The following TMEM182 variants were observed in gnomAD, a reference collection of about 807,000 sequenced individuals.
TMEM182 encodes the protein transmembrane protein 182.
TMEM182 carries 20 observed loss-of-function variants against 26.8 expected under a neutral mutation model. The ratio of observed to expected loss-of-function variants is 0.75; its 90% CI spans 0.53 to 1.09. TMEM182 has a LOEUF of 1.09. Among genes scored for constraint, TMEM182 ranks in the 50% least tolerant of loss-of-function variants. The pLI is 0.00. For synonymous variants in TMEM182, 109 were observed against 102.2 expected, an observed-to-expected ratio of 1.07 and a Z score of -0.40; for missense variants, 277 against 275.5, an observed-to-expected ratio of 1.01 and a Z score of -0.04.
chr2:102,794,528 A>G (rs764090080), intron 3 of TMEM182, among the ~76,000 whole-genome samples: 13 of 152,142 alleles, frequency 8.5e-5, no homozygotes, highest in Non-Finnish European at 1.8e-4. Context: ...TTCTTCACAA[A>G]TGGCTTCACC....
downstream of TMEM182, among the ~76,000 whole-genome samples, chr2:102,819,459 C>T (rs1447168503): frequency 1.3e-5 from 2 of 152,050 alleles, no homozygotes; most frequent in Admixed American, 1.3e-4. Flanking sequence ...AGTAGAAAGT[C>T]GGATTAACTT....
At chr2:102,819,519 T>A (rs1367932216), downstream of TMEM182, among the ~76,000 whole-genome samples, 1 of 152,206 alleles carries the variant, frequency 6.6e-6, no homozygotes, top group Non-Finnish European at 1.5e-5. Flanking sequence ...TGTATATATA[T>A]GTCTGTGGTA....
chr2:102,817,772 CAT>C, downstream of TMEM182: 1 of 911,928 alleles, frequency 1.1e-6, no homozygotes, highest in Non-Finnish European at 1.3e-6. Flanking sequence ...TGTAAGTGTG[CAT>C]GTGTATTATA....
intron 1 of TMEM182, among the ~76,000 whole-genome samples, chr2:102,754,157 G>A (rs549246366): frequency 1.3e-5 from 2 of 152,256 alleles, no homozygotes; most frequent in Admixed American, 6.5e-5. Context: ...TCAGTTTACC[G>A]TCTTGTGTCT....
At chr2:102,822,595 T>C (rs1445283851), downstream of TMEM182, among the ~76,000 whole-genome samples, 3 of 152,124 alleles carry the variant, frequency 2.0e-5, no homozygotes, top group African/African-American at 4.8e-5. Flanking sequence ...GAAAAGGTTG[T>C]TGTGCAACTT....
intron 3 of TMEM182, among the ~76,000 whole-genome samples, chr2:102,841,931 G>A (rs1183151154): frequency 6.6e-6 from 1 of 152,048 alleles, no homozygotes; most frequent in East Asian, 1.9e-4. Flanking sequence ...TCCATGACAG[G>A]GTAATTGCGA....
In TMEM182 at chr2:102,815,200, T is replaced by C; in HGVS notation, c.*232T>C. Reference sequence around the variant, plus strand: ...GTCAAGGACCTAGTTCTTTAGGGAATAGGTAAACAGGTCTCCCTTTCATTG... The same window carrying C: ...GTCAAGGACCTAGTTCTTTAGGGAACAGGTAAACAGGTCTCCCTTTCATTG... On this transcript the variant is annotated 3_prime_UTR_variant, in exon 5 of 5. Coordinates refer to ENST00000412401, the MANE Select transcript of TMEM182 (RefSeq NM_144632.5). 1.6e-5 allele frequency: 22 copies of C among 1,337,740 alleles called. No individual in the cohort carries two copies. Among genetic ancestry groups the C allele is most frequent in the Non-Finnish European group, 2.0e-5 (21 of 1,045,560 alleles). The allele number at this position is 1,337,740 out of a possible 1,614,324, so 82.9% of individuals were successfully genotyped here.
intron 3 of TMEM182, among the ~76,000 whole-genome samples, chr2:102,787,008 A>G (rs1017827979): frequency 3.3e-5 from 5 of 152,210 alleles, no homozygotes; most frequent in Non-Finnish European, 7.3e-5. Context: ...AAACTGAGGC[A>G]TGGAGAAGCC....
chr2:102,792,664 G>A (rs1206735514), intron 3 of TMEM182, among the ~76,000 whole-genome samples: 2 of 152,198 alleles, frequency 1.3e-5, no homozygotes, highest in South Asian at 2.1e-4. Context: ...TATGCTTGAT[G>A]TTATGCACTT....
chr2:102,832,873 G>A (rs1306545636), intron 3 of TMEM182, among the ~76,000 whole-genome samples: 1 of 152,136 alleles, frequency 6.6e-6, no homozygotes, highest in Admixed American at 6.6e-5. Flanking sequence ...AATTTTTATA[G>A]CCTGATAACA....
intron 3 of TMEM182, among the ~76,000 whole-genome samples, chr2:102,828,124 T>G (rs1186932172): frequency 6.6e-6 from 1 of 152,106 alleles, no homozygotes; most frequent in Non-Finnish European, 1.5e-5. Context: ...AAAAGTGACT[T>G]GTGGCTTTAA....
chr2:102,767,692 G>A (rs994946818), intron 3 of TMEM182, among the ~76,000 whole-genome samples: 11 of 152,096 alleles, frequency 7.2e-5, no homozygotes, highest in Admixed American at 6.5e-4. Flanking sequence ...TTAAAAATAT[G>A]TCTAGAATGA....
In TMEM182 at chr2:102,798,004, C is replaced by A. The variant is rs376313930; in HGVS notation, c.469+4C>A. On this transcript the variant is annotated splice_donor_region_variant and intron_variant, in intron 4 of 4. Transcript: ENST00000412401. ...GGAGGCTCATATATTGCTGCAGGTA[C>A]GTACGGTGCAATGGGTATGACTTTC... The A allele has an allele frequency of 5.6e-6, 9 of 1,608,790 alleles. No homozygotes were observed. In the African/African-American group the frequency reaches 1.1e-4, roughly 19 times the overall value.
At chr2:102,771,016 G>T (rs960909533) in intron 3 of TMEM182, among the ~76,000 whole-genome samples, 1 of 152,102 alleles carries the variant, frequency 6.6e-6, no homozygotes, top group African/African-American at 2.4e-5. Flanking sequence ...CTTGCAGATC[G>T]ATTACTCTGT....
At chr2:102,779,689 A>ATT (rs112110293) in intron 3 of TMEM182, among the ~76,000 whole-genome samples, 41 of 139,290 alleles carry the variant, frequency 2.9e-4, no homozygotes, top group African/African-American at 1.1e-3. Flanking sequence ...CATACTTTCT[A>ATT]TTTTTTTTTT....
chr2:102,757,712 C>T (rs190241124), upstream of TMEM182, among the ~76,000 whole-genome samples: 53 of 152,208 alleles, frequency 3.5e-4, 1 homozygote, highest in Admixed American at 3.0e-3. Context: ...TCTGTTCTCA[C>T]GCTGCTATAA....
intron 4 of TMEM182, among the ~76,000 whole-genome samples, chr2:102,807,779 C>G (rs776277975): frequency 3.9e-5 from 6 of 152,184 alleles, no homozygotes; most frequent in Non-Finnish European, 8.8e-5. Flanking sequence ...GAGGACTTCA[C>G]TGAAGTAGAG....
chr2:102,837,833 G>A (rs1332713545), intron 3 of TMEM182, among the ~76,000 whole-genome samples: 1 of 152,168 alleles, frequency 6.6e-6, no homozygotes, highest in African/African-American at 2.4e-5. Flanking sequence ...AGACTTCCAG[G>A]GAAGTTACCT....
intron 3 of TMEM182, chr2:102,797,619 A>G (rs1310302300): frequency 4.7e-6 from 2 of 426,428 alleles, no homozygotes; most frequent in Non-Finnish European, 8.3e-6. Context: ...TATATTAAGC[A>G]TGTGTGTGGT....
Sources: gnomAD v4.1 joint callset for allele counts (sites outside exome capture counted in the v4.1 genomes callset) on GRCh38, gnomAD v4.1.1 for gene constraint, MANE v1.5 for transcripts, NCBI Gene and HGNC (gene_info 2026-07-23, HGNC 2026-07-21) for gene names.